Variants in PRKCE observed in about 807,000 individuals in gnomAD.
PRKCE encodes protein kinase C epsilon type.
Under a neutral mutation model 85.4 loss-of-function variants are expected in PRKCE, and 16 were observed. The observed-to-expected ratio is 0.19, with a 90% CI of 0.13 to 0.28. The LOEUF (loss-of-function observed/expected upper bound fraction) is 0.28, where lower values mean the gene tolerates loss of function less well. PRKCE is among the 10% of genes least tolerant of loss of function. PRKCE has a pLI of 1.00. For synonymous variants in PRKCE, 388 were observed against 371.5 expected, an observed-to-expected ratio of 1.04 and a Z score of -0.51; for missense variants, 573 against 975.2, an observed-to-expected ratio of 0.59 and a Z score of 5.49.
At chr2:46,178,923 C>A (rs1364742342) in intron 14 of PRKCE, among the ~76,000 whole-genome samples, 1 of 152,066 alleles carries the variant, frequency 6.6e-6, no homozygotes, top group Non-Finnish European at 1.5e-5. Context: ...TGGAAGGAGA[C>A]TGGAGTTACG....
chr2:46,015,786 T>C lies in PRKCE; in HGVS notation c.1437+5269T>C, dbSNP rs569101663. On this transcript the variant is annotated intron_variant, in intron 10 of 14. Transcript: ENST00000306156. Reference sequence around the variant, plus strand: ...TATGTCAGATTAAATCTAAACGAGCTGACAGAGCCGTTGAGGATGGGTCTC... The same window carrying C: ...TATGTCAGATTAAATCTAAACGAGCCGACAGAGCCGTTGAGGATGGGTCTC... Among the ~76,000 whole-genome samples, 13 of 151,904 alleles carry C rather than the reference T, an allele frequency of 8.6e-5. No homozygotes were observed. In the South Asian group the frequency reaches 2.7e-3, roughly 32 times the overall value.
intron 1 of PRKCE, among the ~76,000 whole-genome samples, chr2:45,667,286 G>A (rs976235933): frequency 2.0e-5 from 3 of 152,084 alleles, no homozygotes; most frequent in Non-Finnish European, 4.4e-5. Flanking sequence ...ACTCCAGCCT[G>A]GGTAACAGGT....
intron 2 of PRKCE, among the ~76,000 whole-genome samples, chr2:45,853,847 C>G (rs1338273236): frequency 6.6e-6 from 1 of 152,118 alleles, no homozygotes; most frequent in Non-Finnish European, 1.5e-5. Context: ...TTACTAGGGA[C>G]TTTCCAATGC....
intron 2 of PRKCE, among the ~76,000 whole-genome samples, chr2:45,893,353 CTT>C (rs61708342): frequency 5.1e-5 from 7 of 136,406 alleles, no homozygotes; most frequent in Non-Finnish European, 9.3e-5. Flanking sequence ...CTTTTCTTTT[CTT>C]TTTTTTTTTT....
At chr2:45,852,962 C>G (rs935270249) in intron 2 of PRKCE, among the ~76,000 whole-genome samples, 2 of 152,168 alleles carry the variant, frequency 1.3e-5, no homozygotes, top group African/African-American at 4.8e-5. Context: ...GCTGCTGGTC[C>G]CTGAACCGCA....
intron 1 of PRKCE, among the ~76,000 whole-genome samples, chr2:45,664,287 T>C (rs1398892746): frequency 1.3e-5 from 2 of 152,230 alleles, no homozygotes; most frequent in Admixed American, 1.3e-4. Context: ...GTTTGAAATC[T>C]AGTTTTATCA....
intron 1 of PRKCE, among the ~76,000 whole-genome samples, chr2:45,771,280 C>A (rs961660753): frequency 2.0e-5 from 3 of 152,174 alleles, no homozygotes; most frequent in African/African-American, 4.8e-5. Flanking sequence ...TGAAAAGGAG[C>A]GAGCAGCATC....
chr2:45,773,638 G>C (rs1685517919), intron 1 of PRKCE, among the ~76,000 whole-genome samples: 1 of 152,170 alleles, frequency 6.6e-6, no homozygotes, highest in African/African-American at 2.4e-5. Context: ...TTGACTGTTT[G>C]GGAGCATTCT....
chr2:45,661,286 G>T (rs752110021), intron 1 of PRKCE, among the ~76,000 whole-genome samples: 1 of 148,586 alleles, frequency 6.7e-6, no homozygotes, highest in Non-Finnish European at 1.5e-5. Flanking sequence ...GGGTTCAAGC[G>T]ATTCTCCTGT....
At chr2:45,719,155 C>T (rs1485246205) in intron 1 of PRKCE, among the ~76,000 whole-genome samples, 1 of 152,224 alleles carries the variant, frequency 6.6e-6, no homozygotes, top group Non-Finnish European at 1.5e-5. Context: ...CTAGGATGGG[C>T]ACTGTCATCC....
At chr2:45,772,439 A>G (rs1467222316) in intron 1 of PRKCE, among the ~76,000 whole-genome samples, 2 of 152,182 alleles carry the variant, frequency 1.3e-5, no homozygotes, top group Non-Finnish European at 2.9e-5. Context: ...AAGGGTCACA[A>G]TGAGAAAGAA....
At chr2:45,943,485 C>T (rs1167222835) in intron 2 of PRKCE, among the ~76,000 whole-genome samples, 2 of 152,248 alleles carry the variant, frequency 1.3e-5, no homozygotes, top group Admixed American at 6.5e-5. Context: ...TGGACTTGAT[C>T]TTGCAGGTTA....
intron 11 of PRKCE, among the ~76,000 whole-genome samples, chr2:46,140,342 A>G (rs187019198): frequency 6.6e-6 from 1 of 152,308 alleles, no homozygotes; most frequent in East Asian, 1.9e-4. Flanking sequence ...GTGACGTTAT[A>G]GAATAAAAGA....
At chr2:45,912,362 G>C (rs1697445125) in intron 2 of PRKCE, among the ~76,000 whole-genome samples, 1 of 152,130 alleles carries the variant, frequency 6.6e-6, no homozygotes, top group Admixed American at 6.5e-5. Context: ...TGCCCTGGTG[G>C]TGAGCTCCAG....
At chr2:46,010,158 G>T (rs956817705) in intron 9 of PRKCE, among the ~76,000 whole-genome samples, 186 bp from the exon 10 acceptor site, 1 of 152,190 alleles carries the variant, frequency 6.6e-6, no homozygotes, top group Non-Finnish European at 1.5e-5. Flanking sequence ...TAACTCCTGG[G>T]CTCAAATGAT....
chr2:45,842,184 T>G (rs1453867671), intron 1 of PRKCE, among the ~76,000 whole-genome samples: 1 of 152,186 alleles, frequency 6.6e-6, no homozygotes, highest in Non-Finnish European at 1.5e-5. Flanking sequence ...TTTCACCACC[T>G]TGTCTCTGTA....
intron 12 of PRKCE, among the ~76,000 whole-genome samples, chr2:46,150,411 G>A (rs1226445255): frequency 2.0e-5 from 3 of 152,158 alleles, no homozygotes; most frequent in Admixed American, 6.5e-5. Flanking sequence ...ATTCTTCAGT[G>A]GATCTTATGG....
intron 10 of PRKCE, among the ~76,000 whole-genome samples, chr2:46,014,658 A>G (rs774902712): frequency 8.5e-5 from 13 of 152,320 alleles, no homozygotes; most frequent in Middle Eastern, 3.4e-3. Context: ...TTAAGCATCT[A>G]TGTGCTAGAC....
chr2:45,980,487 C>A, intron 5 of PRKCE, 106 bp downstream of exon 5: 2 of 1,034,548 alleles, frequency 1.9e-6, no homozygotes, highest in Non-Finnish European at 2.9e-6. Flanking sequence ...GAGACCCTGT[C>A]ATTTCATTGT....
Sources: allele counts gnomAD v4.1 joint callset (sites outside exome capture counted in the v4.1 genomes callset), GRCh38; gene constraint gnomAD v4.1.1; transcripts MANE v1.5; gene names NCBI Gene and HGNC (gene_info 2026-07-23, HGNC 2026-07-21).